The following DRC8 variants were observed in gnomAD, a reference collection of about 807,000 sequenced individuals.
DRC8 encodes the protein dynein regulatory complex subunit 8.
At chr1:245,031,576 G>A in the DRC8 span, among the ~76,000 whole-genome samples, 3 of 152,072 alleles carry the variant, frequency 2.0e-5, no homozygotes, top group African/African-American at 4.8e-5. Context: ...GCCATCCACC[G>A]ATCAGGAAAA....
the DRC8 span, among the ~76,000 whole-genome samples, chr1:245,105,257 T>TGA: frequency 3.9e-5 from 6 of 152,190 alleles, no homozygotes; most frequent in Non-Finnish European, 8.8e-5. Flanking sequence ...GCTGTCAGCC[T>TGA]GATCTAGGCT....
chr1:245,020,264 A>G, the DRC8 span, among the ~76,000 whole-genome samples: 13 of 152,314 alleles, frequency 8.5e-5, no homozygotes, highest in South Asian at 1.9e-3. Flanking sequence ...AGATAAAGGG[A>G]AAGTCTGGTA....
At chr1:245,032,715 G>A in the DRC8 span, among the ~76,000 whole-genome samples, 41 of 152,292 alleles carry the variant, frequency 2.7e-4, no homozygotes, top group African/African-American at 9.9e-4. Context: ...CTAGTTGTGT[G>A]GTGTTATTAG....
chr1:245,061,840 T>A, the DRC8 span, among the ~76,000 whole-genome samples: 1 of 152,204 alleles, frequency 6.6e-6, no homozygotes, highest in Non-Finnish European at 1.5e-5. Flanking sequence ...GCACAGCAGC[T>A]CACGCCTGCA....
the DRC8 span, among the ~76,000 whole-genome samples, chr1:245,055,618 T>A: frequency 1.3e-5 from 2 of 152,152 alleles, no homozygotes; most frequent in East Asian, 1.9e-4. Flanking sequence ...CCACCGCGCC[T>A]GGCCTGTTTC....
chr1:245,019,391 TA>T, the DRC8 span, among the ~76,000 whole-genome samples: 2 of 152,168 alleles, frequency 1.3e-5, no homozygotes, highest in Admixed American at 6.5e-5. Context: ...CCACTCTTTT[TA>T]AAAAATTCGT....
the DRC8 span, among the ~76,000 whole-genome samples, chr1:245,049,665 A>T: frequency 2.6e-5 from 4 of 152,242 alleles, no homozygotes; most frequent in Non-Finnish European, 5.9e-5. This position sits in a 1 kb window ranked among gnomAD's most constrained non-coding sequence, Gnocchi z 4.5. Flanking sequence ...ACTTGGGTCA[A>T]CAATTTGCGG....
the DRC8 span, among the ~76,000 whole-genome samples, chr1:245,105,979 C>G: frequency 6.6e-6 from 1 of 152,010 alleles, no homozygotes; most frequent in Non-Finnish European, 1.5e-5. Context: ...CTGAGGAGGC[C>G]GAGGCAGGAG....
At chr1:245,109,375 C>T in the DRC8 span, among the ~76,000 whole-genome samples, 2 of 152,146 alleles carry the variant, frequency 1.3e-5, no homozygotes, top group Non-Finnish European at 2.9e-5. Flanking sequence ...TCTCATTACC[C>T]TCCTGCTTAA....
chr1:245,008,069 A>T, the DRC8 span, among the ~76,000 whole-genome samples: 1 of 152,104 alleles, frequency 6.6e-6, no homozygotes, highest in Non-Finnish European at 1.5e-5. Flanking sequence ...CCAGCTACTC[A>T]GGTGGCTGAG....
chr1:245,023,171 T>C, the DRC8 span: 2 of 152,244 alleles, frequency 1.3e-5, no homozygotes, highest in Non-Finnish European at 2.9e-5. Flanking sequence ...CGTAGCGTAA[T>C]GTTCTCAGGG....
At chr1:245,059,884 G>C in the DRC8 span, among the ~76,000 whole-genome samples, 1 of 152,216 alleles carries the variant, frequency 6.6e-6, no homozygotes, top group Admixed American at 6.5e-5. Context: ...TGACCAGAGA[G>C]TCTAAGAAGT....
At chr1:245,019,254 TTGC>T in the DRC8 span, among the ~76,000 whole-genome samples, 5 of 152,156 alleles carry the variant, frequency 3.3e-5, no homozygotes, top group Admixed American at 2.0e-4. Flanking sequence ...CATTAAAATA[TTGC>T]TGCTGAGTAT....
At chr1:245,103,073 C>CT in the DRC8 span, among the ~76,000 whole-genome samples, 9 of 131,036 alleles carry the variant, frequency 6.9e-5, no homozygotes, top group African/African-American at 2.7e-4. Context: ...GTGAGGCTGA[C>CT]GAGGATGAGA....
chr1:245,000,064 C>T, the DRC8 span, among the ~76,000 whole-genome samples: 1 of 152,262 alleles, frequency 6.6e-6, no homozygotes, highest in African/African-American at 2.4e-5. Flanking sequence ...GGTGATCCAC[C>T]TGCCTCAGCC....
At chr1:245,092,939 G>T in the DRC8 span, among the ~76,000 whole-genome samples, 852 of 152,214 alleles carry the variant, frequency 5.6e-3, 6 homozygotes, top group African/African-American at 0.02. Context: ...TTGTAAAGTG[G>T]AAAAAACACT....
chr1:245,115,315 T>C, the DRC8 span, among the ~76,000 whole-genome samples: 6 of 152,246 alleles, frequency 3.9e-5, 1 homozygote, highest in Non-Finnish European at 8.8e-5. Context: ...CCCAAAGTGT[T>C]GGGATTACAG....
chr1:245,024,228 A>T, the DRC8 span, among the ~76,000 whole-genome samples: 1 of 152,166 alleles, frequency 6.6e-6, no homozygotes, highest in Non-Finnish European at 1.5e-5. Flanking sequence ...TATTGAATTA[A>T]TCTCCTTACT....
the DRC8 span, among the ~76,000 whole-genome samples, chr1:245,032,991 A>T: frequency 1.4e-4 from 21 of 152,066 alleles, no homozygotes; most frequent in Middle Eastern, 3.2e-3. Context: ...TTAAAAAAAA[A>T]AAAACAAAAA....
Sources: gnomAD v4.1 joint callset for allele counts (sites outside exome capture counted in the v4.1 genomes callset) on GRCh38, gnomAD v4.1.1 for gene constraint, Gnocchi (gnomAD v3.1) non-coding constraint, MANE v1.5 for transcripts, NCBI Gene and HGNC (gene_info 2026-07-23, HGNC 2026-07-21) for gene names.